The following SGCD variants were observed in gnomAD, a reference collection of about 807,000 sequenced individuals.
SGCD encodes sarcoglycan delta.
A neutral mutation model predicts 36.6 loss-of-function variants in SGCD; 18 were observed. That is an observed-to-expected ratio of 0.49 (90% CI 0.34 to 0.73). The LOEUF (loss-of-function observed/expected upper bound fraction) is 0.73. SGCD is among the 30% of genes least tolerant of loss of function. SGCD has a pLI of 0.01. For synonymous variants in SGCD, 133 were observed against 130.6 expected, an observed-to-expected ratio of 1.02 and a Z score of -0.12; for missense variants, 387 against 346.7, an observed-to-expected ratio of 1.12 and a Z score of -0.92.
Position 156,106,798 on chromosome 5 carries a change from C to T in SGCD, c.-281-11080C>T, listed in dbSNP as rs184562810. On this transcript the variant is annotated intron_variant, in intron 1 of 9. Coordinates refer to the SGCD transcript ENST00000517913. ...TATCTGTGTATACAGAGTTAATCCC[C>T]TTTCAGTGATGTTGAGTATATGAAA... Among the ~76,000 whole-genome samples the T allele has an allele frequency of 9.2e-4, 140 of 152,228 alleles. 1 individual carries two copies. Among genetic ancestry groups the T allele is most frequent in the Non-Finnish European group, 4.0e-4 (27 of 68,016 alleles).
the SGCD span, among the ~76,000 whole-genome samples, chr5:155,843,424 T>A: frequency 6.6e-6 from 1 of 150,964 alleles, no homozygotes; most frequent in Non-Finnish European, 1.5e-5. Flanking sequence ...ACACACACAC[T>A]GATACTCACG....
At chr5:155,938,044 C>T (rs1012588182) in intron 1 of SGCD, among the ~76,000 whole-genome samples, 2 of 152,212 alleles carry the variant, frequency 1.3e-5, no homozygotes, top group African/African-American at 4.8e-5. Flanking sequence ...GGAACTGTCT[C>T]TGGTCACATA....
At chr5:156,314,318 G>A (rs1472483570) in intron 3 of SGCD, among the ~76,000 whole-genome samples, 1 of 151,976 alleles carries the variant, frequency 6.6e-6, no homozygotes, top group African/African-American at 2.4e-5. Context: ...AAATTTAGAT[G>A]TAAGCTGCAT....
intron 3 of SGCD, among the ~76,000 whole-genome samples, chr5:156,285,172 G>T (rs368803537): frequency 1.3e-5 from 2 of 152,156 alleles, no homozygotes; most frequent in Non-Finnish European, 2.9e-5. Context: ...TGAAATAAAA[G>T]AGGATACAAA....
At chr5:156,755,361 C>T (rs759089934) in intron 7 of SGCD, among the ~76,000 whole-genome samples, 6 of 152,008 alleles carry the variant, frequency 3.9e-5, no homozygotes, top group Non-Finnish European at 5.9e-5. Context: ...AGAAAGGTAT[C>T]GACATTAGTG....
At chr5:155,858,952 T>TC in the SGCD span, among the ~76,000 whole-genome samples, 12 of 151,874 alleles carry the variant, frequency 7.9e-5, no homozygotes, top group South Asian at 2.1e-4. Flanking sequence ...GTTTTTTTTT[T>TC]TCTCTCTCAT....
intron 1 of SGCD, among the ~76,000 whole-genome samples, chr5:156,327,929 C>T (rs1300631277): frequency 6.6e-6 from 1 of 152,166 alleles, no homozygotes. Context: ...TCAAAAAACA[C>T]TTCTGTATTT....
the SGCD span, among the ~76,000 whole-genome samples, chr5:155,807,778 G>T: frequency 2.0e-5 from 3 of 152,212 alleles, no homozygotes; most frequent in African/African-American, 7.2e-5. Context: ...TATAGTGGAA[G>T]AAGTTGTTTC....
In SGCD at chr5:156,071,551, C is replaced by G. The variant is rs1007657694; in HGVS notation, c.-281-46327C>G. Among the ~76,000 whole-genome samples, 15 of 152,184 alleles carry G rather than the reference C, an allele frequency of 9.9e-5. No individual in the cohort carries two copies. In the South Asian group the frequency reaches 1.7e-3, roughly 17 times the overall value. On this transcript the variant is annotated intron_variant, in intron 1 of 9. Transcript: ENST00000517913. Reference sequence around the variant, plus strand: ...TTGCTGAGGAGAGCTTTACTTCCAACTATGTGGTCAGTTTTGGAATAGGTG... The same window carrying G: ...TTGCTGAGGAGAGCTTTACTTCCAAGTATGTGGTCAGTTTTGGAATAGGTG...
At chr5:156,728,812 A>G (rs374942223) in intron 7 of SGCD, among the ~76,000 whole-genome samples, 1 of 152,200 alleles carries the variant, frequency 6.6e-6, no homozygotes, top group African/African-American at 2.4e-5. Flanking sequence ...CCTGAGTTGC[A>G]AAAACATCAC....
intron 3 of SGCD, among the ~76,000 whole-genome samples, chr5:156,482,468 G>GT (rs1168127559): frequency 3.3e-5 from 5 of 151,880 alleles, no homozygotes; most frequent in Non-Finnish European, 5.9e-5. Context: ...CTATAACTTC[G>GT]TTTTTTTCTC....
chr5:156,087,801 A>G (rs1449955583), intron 1 of SGCD, among the ~76,000 whole-genome samples: 1 of 152,184 alleles, frequency 6.6e-6, no homozygotes, highest in Non-Finnish European at 1.5e-5. Context: ...ATCCAGACCC[A>G]GGGATGGAGG....
chr5:156,162,130 G>T (rs1373797017), intron 3 of SGCD, among the ~76,000 whole-genome samples: 25 of 151,138 alleles, frequency 1.7e-4, no homozygotes, highest in Admixed American at 1.6e-3. Flanking sequence ...GGGGTGGAGT[G>T]GATAAAGAGA....
chr5:155,810,142 G>A, the SGCD span, among the ~76,000 whole-genome samples: 1 of 152,304 alleles, frequency 6.6e-6, no homozygotes, highest in Non-Finnish European at 1.5e-5. Context: ...AGGTAATGGG[G>A]ATATTAACTG....
At chr5:155,890,207 C>A (rs778020276) in intron 1 of SGCD, among the ~76,000 whole-genome samples, 13 of 152,152 alleles carry the variant, frequency 8.5e-5, no homozygotes, top group Non-Finnish European at 1.8e-4. Flanking sequence ...AAACTCTGTG[C>A]AGGCAGACAA....
At chr5:156,511,008 C>T (rs149209104) in intron 4 of SGCD, among the ~76,000 whole-genome samples, 127 of 152,196 alleles carry the variant, frequency 8.3e-4, no homozygotes, top group African/African-American at 2.9e-3. Context: ...AGAGATATAC[C>T]TGCTTGTAAG....
the SGCD span, among the ~76,000 whole-genome samples, chr5:155,832,811 A>G: frequency 7.8e-5 from 10 of 128,680 alleles, no homozygotes; most frequent in Admixed American, 1.5e-4. Context: ...TTTAAATTTT[A>G]ATTAATAAGT....
chr5:156,351,505 C>A (rs1418302035), intron 3 of SGCD, among the ~76,000 whole-genome samples: 2 of 152,014 alleles, frequency 1.3e-5, no homozygotes, highest in East Asian at 3.9e-4. Flanking sequence ...CAATACCTAC[C>A]TCCTAGGATT....
intron 1 of SGCD, among the ~76,000 whole-genome samples, chr5:156,058,829 G>C (rs1760129543): frequency 6.9e-6 from 1 of 145,750 alleles, no homozygotes; most frequent in Non-Finnish European, 1.5e-5. Flanking sequence ...CCTGGAGAAA[G>C]GGGAAACTGT....
Sources: gnomAD v4.1 joint callset for allele counts (sites outside exome capture counted in the v4.1 genomes callset) on GRCh38, gnomAD v4.1.1 for gene constraint, MANE v1.5 for transcripts, NCBI Gene and HGNC (gene_info 2026-07-23, HGNC 2026-07-21) for gene names.